Variants in NCALD observed in about 807,000 individuals in gnomAD.
NCALD encodes neurocalcin delta, also known as neurocalcin-delta.
In NCALD, 10 loss-of-function variants were observed where a neutral mutation model predicts 18.6. The observed-to-expected ratio is 0.54, with a 90% CI of 0.33 to 0.91. NCALD has a LOEUF of 0.91. NCALD is among the 40% of genes least tolerant of loss of function. NCALD has a pLI of 0.03. For synonymous variants in NCALD, 88 were observed against 87.4 expected (o/e 1.01, Z -0.04); for missense variants, 184 against 247.6 (o/e 0.74, Z 1.72).
Position 101,819,786 on chromosome 8 carries a change from C to T in NCALD, c.-20+67355G>A, listed in dbSNP as rs888182168. On this transcript the variant is annotated intron_variant, in intron 4 of 6. Coordinates refer to the NCALD transcript ENST00000311028. ...CACTTAGCGAGATAAACAGCAGCAG[C>T]GGCGGTGGTACAGAGTGAAGAGGAA... 8.5e-5 allele frequency among the ~76,000 whole-genome samples: 13 copies of T among 152,100 alleles called. No homozygotes were observed. The East Asian group carries it at 2.1e-3, about 25-fold the overall frequency.
intron 4 of NCALD, among the ~76,000 whole-genome samples, chr8:101,821,338 C>T (rs1813709446): frequency 6.6e-6 from 1 of 152,120 alleles, no homozygotes; most frequent in Non-Finnish European, 1.5e-5. Context: ...ACCATAATGT[C>T]CAGAACTTTA....
intron 2 of NCALD, among the ~76,000 whole-genome samples, chr8:101,708,587 T>C (rs985292933): frequency 1.3e-5 from 2 of 152,256 alleles, no homozygotes; most frequent in African/African-American, 4.8e-5. Flanking sequence ...TCTAGGCACC[T>C]TACTTGTAAT....
At chr8:102,044,065 T>G (rs1460203080) in intron 1 of NCALD, among the ~76,000 whole-genome samples, 1 of 152,016 alleles carries the variant, frequency 6.6e-6, no homozygotes, top group Admixed American at 6.5e-5. Context: ...AATTTTAACA[T>G]ATGTTCACTT....
chr8:102,049,038 G>T (rs984306183), intron 1 of NCALD, among the ~76,000 whole-genome samples: 2 of 152,128 alleles, frequency 1.3e-5, no homozygotes, highest in Non-Finnish European at 2.9e-5. Context: ...CATATGTGAG[G>T]CACTTTATGT....
chr8:102,059,625 T>C (rs932022101), intron 1 of NCALD, among the ~76,000 whole-genome samples: 1 of 152,230 alleles, frequency 6.6e-6, no homozygotes, highest in African/African-American at 2.4e-5. Flanking sequence ...CAATACTGCA[T>C]GAATCACTGC....
intron 1 of NCALD, among the ~76,000 whole-genome samples, chr8:101,759,001 C>A (rs1030191879): frequency 3.9e-5 from 6 of 152,272 alleles, no homozygotes; most frequent in African/African-American, 1.4e-4. Context: ...CACTTGCCAT[C>A]CCCAACTTAC....
intron 1 of NCALD, among the ~76,000 whole-genome samples, chr8:102,083,722 C>T (rs185628796): frequency 3.3e-5 from 5 of 152,234 alleles, no homozygotes; most frequent in African/African-American, 9.6e-5. Context: ...TCTTTCATTG[C>T]TATTGTTTGT....
At chr8:101,911,347 C>G (rs1353279011) in intron 3 of NCALD, among the ~76,000 whole-genome samples, 1 of 144,876 alleles carries the variant, frequency 6.9e-6, no homozygotes, top group Non-Finnish European at 1.5e-5. Context: ...TTTCTCTTTT[C>G]TTTTTTTTCT....
intron 3 of NCALD, among the ~76,000 whole-genome samples, chr8:101,893,190 GA>G (rs1816986528): frequency 6.6e-6 from 1 of 151,960 alleles, no homozygotes; most frequent in African/African-American, 2.4e-5. Context: ...CAAGCCAGAA[GA>G]GAGTGGGGGC....
chr8:101,998,063 G>A (rs1334604853), intron 2 of NCALD, among the ~76,000 whole-genome samples: 1 of 152,140 alleles, frequency 6.6e-6, no homozygotes, highest in Admixed American at 6.5e-5. Flanking sequence ...AATAACAGCT[G>A]TGCCATCCCT....
chr8:101,714,866 G>T (rs561139904), intron 2 of NCALD, among the ~76,000 whole-genome samples: 1 of 150,722 alleles, frequency 6.6e-6, no homozygotes, highest in Non-Finnish European at 1.5e-5. Context: ...GCGCGGTGGC[G>T]GGCACCTGTA....
At chr8:101,943,088 G>A (rs1277730883) in intron 2 of NCALD, among the ~76,000 whole-genome samples, 1 of 152,176 alleles carries the variant, frequency 6.6e-6, no homozygotes. Context: ...CAAAGAGTGT[G>A]TACAGAGAAC....
chr8:101,763,055 G>T (rs1167812091), intron 1 of NCALD, among the ~76,000 whole-genome samples: 2 of 152,034 alleles, frequency 1.3e-5, no homozygotes, highest in African/African-American at 2.4e-5. Context: ...CTCTACAATG[G>T]CAATTCATCC....
chr8:101,745,267 A>G (rs1810379465), intron 1 of NCALD, among the ~76,000 whole-genome samples: 1 of 152,198 alleles, frequency 6.6e-6, no homozygotes, highest in South Asian at 2.1e-4. Context: ...TAAAATACAC[A>G]TAAACCCAGA....
intron 4 of NCALD, among the ~76,000 whole-genome samples, chr8:101,885,549 T>C (rs1018672827): frequency 8.5e-5 from 13 of 152,190 alleles, no homozygotes; most frequent in African/African-American, 2.9e-4. Flanking sequence ...AGCTTTTCTG[T>C]CAATTTCTCA....
At chr8:101,699,699 G>A (rs10095534) in intron 2 of NCALD, among the ~76,000 whole-genome samples, 71,567 of 151,884 alleles carry the variant, frequency 0.47, 18,855 homozygotes, top group African/African-American at 0.7. Context: ...CTCATAAGTG[G>A]GAGCTGAACA....
At chr8:101,858,987 G>C (rs1189841900) in intron 4 of NCALD, among the ~76,000 whole-genome samples, 1 of 152,204 alleles carries the variant, frequency 6.6e-6, no homozygotes, top group Non-Finnish European at 1.5e-5. Flanking sequence ...TGATTGGATT[G>C]AAGGATGCAA....
intron 1 of NCALD, among the ~76,000 whole-genome samples, chr8:102,037,897 C>T (rs369953055): frequency 3.3e-5 from 5 of 152,208 alleles, no homozygotes; most frequent in African/African-American, 9.6e-5. Context: ...ACTGATAGCA[C>T]TTTATAAATA....
intron 2 of NCALD, among the ~76,000 whole-genome samples, chr8:102,011,198 CCCCTACTCCCCCAA>C (rs1407682824): frequency 6.6e-6 from 1 of 152,186 alleles, no homozygotes; most frequent in African/African-American, 2.4e-5. Flanking sequence ...TTATGGTCAA[CCCCTACTCCCCCAA>C]CACAGACACA....
Sources: gnomAD v4.1 joint callset for allele counts (sites outside exome capture counted in the v4.1 genomes callset) on GRCh38, gnomAD v4.1.1 for gene constraint, MANE v1.5 for transcripts, NCBI Gene and HGNC (gene_info 2026-07-23, HGNC 2026-07-21) for gene names.